INSL6: variants seen among roughly 807,000 people sequenced by gnomAD.
The protein encoded by INSL6 is insulin-like peptide INSL6.
A neutral mutation model predicts 9.4 loss-of-function variants in INSL6; 16 were observed. The ratio of observed to expected loss-of-function variants is 1.70; its 90% CI spans 1.15 to 2.59. INSL6 has a LOEUF of 2.59. Among genes scored for constraint, INSL6 ranks in the 30% most tolerant of loss-of-function variants. The pLI is 0.00. For synonymous variants in INSL6, 154 were observed against 96.9 expected (o/e 1.59, Z -3.46); for missense variants, 391 against 257.3 (o/e 1.52, Z -3.56).
intron 1 of INSL6, among the ~76,000 whole-genome samples, chr9:5,173,410 C>A (rs958191069): frequency 2.6e-5 from 4 of 152,080 alleles, no homozygotes; most frequent in African/African-American, 9.7e-5. Flanking sequence ...ACATATACAC[C>A]ATGGAATACT....
At chr9:5,099,977 T>C in the INSL6 span, 1 of 152,198 alleles carries the variant, frequency 6.6e-6, no homozygotes, top group Non-Finnish European at 1.5e-5. Flanking sequence ...ATCCCTATAC[T>C]AGTAATCATT....
intron 2 of INSL6, among the ~76,000 whole-genome samples, chr9:5,156,730 T>TA (rs937056317): frequency 6.6e-6 from 1 of 151,838 alleles, no homozygotes; most frequent in Non-Finnish European, 1.5e-5. Context: ...AAAGAAAAAA[T>TA]AAAAGTCTCT....
intron 2 of INSL6, among the ~76,000 whole-genome samples, chr9:5,135,602 C>T (rs1824374752): frequency 6.6e-6 from 1 of 152,120 alleles, no homozygotes; most frequent in Admixed American, 6.6e-5. Flanking sequence ...GTACCAGAAT[C>T]TCTAGGACAC....
chr9:5,003,851 AG>A, the INSL6 span, among the ~76,000 whole-genome samples: 31,160 of 151,954 alleles, frequency 0.21, 3,673 homozygotes, highest in Middle Eastern at 0.33. Context: ...ACCCTTTATC[AG>A]AGTGAGGAAG....
chr9:5,056,886 C>T, the INSL6 span, among the ~76,000 whole-genome samples: 1 of 152,132 alleles, frequency 6.6e-6, no homozygotes. Flanking sequence ...TTTCCAAGGG[C>T]ACAGTGTTAG....
the INSL6 span, among the ~76,000 whole-genome samples, chr9:5,038,804 A>T: frequency 2.0e-5 from 3 of 152,144 alleles, no homozygotes; most frequent in Non-Finnish European, 4.4e-5. Context: ...AAGATGAAAT[A>T]CTATGACCAG....
the INSL6 span, among the ~76,000 whole-genome samples, chr9:5,056,758 CT>C: frequency 2.6e-5 from 4 of 152,070 alleles, no homozygotes; most frequent in African/African-American, 9.7e-5. Context: ...ATAAATGTTT[CT>C]GGGAGAGTTT....
At chr9:5,012,016 C>T in the INSL6 span, among the ~76,000 whole-genome samples, 1 of 152,200 alleles carries the variant, frequency 6.6e-6, no homozygotes, top group Non-Finnish European at 1.5e-5. Context: ...AGATTTCTAG[C>T]TATTGCCTGT....
chr9:5,051,978 C>T, the INSL6 span, among the ~76,000 whole-genome samples: 2 of 151,494 alleles, frequency 1.3e-5, no homozygotes, highest in South Asian at 2.1e-4. Flanking sequence ...AAAAAAAAAA[C>T]ACATTCATTC....
downstream of INSL6, among the ~76,000 whole-genome samples, chr9:5,161,208 G>C (rs761884864): frequency 6.6e-6 from 1 of 151,886 alleles, no homozygotes; most frequent in Non-Finnish European, 1.5e-5. Flanking sequence ...TAAACCAAAC[G>C]CAACAACACA....
chr9:5,068,753 A>C, the INSL6 span, among the ~76,000 whole-genome samples: 1 of 152,330 alleles, frequency 6.6e-6, no homozygotes, highest in Admixed American at 6.5e-5. Flanking sequence ...ATGGAAAACT[A>C]TTAAGGATGG....
the INSL6 span, among the ~76,000 whole-genome samples, chr9:5,062,500 TAAAAAAAAAAAAAA>T: frequency 1.4e-4 from 8 of 58,248 alleles, no homozygotes; most frequent in Admixed American, 3.6e-4. Flanking sequence ...CTTCCATTTG[TAAAAAAAAAAAAAA>T]AAAAAAAAAA....
At chr9:5,012,761 T>G in the INSL6 span, among the ~76,000 whole-genome samples, 1 of 152,148 alleles carries the variant, frequency 6.6e-6, no homozygotes, top group East Asian at 1.9e-4. Flanking sequence ...TATAATTTAG[T>G]AGTGGAAAGA....
the INSL6 span, chr9:5,069,818 T>C: frequency 2.2e-5 from 12 of 546,250 alleles, no homozygotes; most frequent in African/African-American, 2.3e-4. Flanking sequence ...AATTAGGAGT[T>C]ATTAAGCATT....
chr9:5,180,379 G>A (rs1179974395), intron 1 of INSL6, among the ~76,000 whole-genome samples: 1 of 152,134 alleles, frequency 6.6e-6, no homozygotes, highest in Non-Finnish European at 1.5e-5. Context: ...TGTAAGGTCT[G>A]ACTGCCTGCG....
At chr9:5,063,555 C>A in the INSL6 span, among the ~76,000 whole-genome samples, 4 of 152,016 alleles carry the variant, frequency 2.6e-5, no homozygotes, top group Non-Finnish European at 5.9e-5. Context: ...CTAGGTACAG[C>A]CTCTGGTATT....
chr9:5,133,959 G>C (rs1455446997), intron 2 of INSL6, among the ~76,000 whole-genome samples: 1 of 150,422 alleles, frequency 6.6e-6, no homozygotes, highest in Non-Finnish European at 1.5e-5. Flanking sequence ...AAAAAGGTTA[G>C]ACAAATTGCT....
chr9:5,069,879 C>G, the INSL6 span: 1 of 1,320,280 alleles, frequency 7.6e-7, no homozygotes, highest in Non-Finnish European at 1.0e-6. Context: ...GCAATTCATA[C>G]TTTCAGTGTA....
At chr9:5,134,271 G>C (rs1824347592) in intron 2 of INSL6, among the ~76,000 whole-genome samples, 1 of 152,146 alleles carries the variant, frequency 6.6e-6, no homozygotes, top group East Asian at 1.9e-4. Flanking sequence ...ACACTCTTCA[G>C]GATATTATCC....
Sources: allele counts gnomAD v4.1 joint callset (sites outside exome capture counted in the v4.1 genomes callset), GRCh38; gene constraint gnomAD v4.1.1; transcripts MANE v1.5; gene names NCBI Gene and HGNC (gene_info 2026-07-23, HGNC 2026-07-21).